MYO18B: variants seen among roughly 807,000 people sequenced by gnomAD.
MYO18B encodes myosin XVIIIB.
MYO18B carries 204 observed loss-of-function variants against 273.0 expected under a neutral mutation model. That is an observed-to-expected ratio of 0.75 (90% CI 0.67 to 0.84). The LOEUF (loss-of-function observed/expected upper bound fraction) is 0.84. MYO18B is among the 40% of genes least tolerant of loss of function. The pLI is 0.00. For missense variants in MYO18B, 3,212 were observed against 3,287.6 expected (o/e 0.98, Z 0.56); for synonymous variants, 1,330 against 1,305.7 (o/e 1.02, Z -0.40).
chr22:25,818,153 G>A (rs1480996831), intron 12 of MYO18B, among the ~76,000 whole-genome samples: 1 of 152,220 alleles, frequency 6.6e-6, no homozygotes, highest in Non-Finnish European at 1.5e-5. Context: ...TGGATAGAGT[G>A]TGTGATCCCC....
chr22:25,840,370 G>C (rs1299108809), intron 17 of MYO18B, among the ~76,000 whole-genome samples: 1 of 152,234 alleles, frequency 6.6e-6, no homozygotes, highest in African/African-American at 2.4e-5. Flanking sequence ...TTCCAGCCCA[G>C]TGCTGCTCAT....
intron 42 of MYO18B, among the ~76,000 whole-genome samples, chr22:26,023,497 A>C (rs73154184): frequency 6.6e-6 from 1 of 151,002 alleles, no homozygotes; most frequent in Non-Finnish European, 1.5e-5. Context: ...CTCCTCCTCT[A>C]CCTCCTCCCT....
At chr22:25,874,759 G>T (rs1406897841) in intron 23 of MYO18B, among the ~76,000 whole-genome samples, 1 of 152,196 alleles carries the variant, frequency 6.6e-6, no homozygotes, top group African/African-American at 2.4e-5. Context: ...CAAAGGCCAA[G>T]TCAAGCTTGA....
At chr22:26,042,160 A>G in the MYO18B span, among the ~76,000 whole-genome samples, 1 of 152,212 alleles carries the variant, frequency 6.6e-6, no homozygotes, top group African/African-American at 2.4e-5. Context: ...TCACTCCCCC[A>G]CCAGGTGTCA....
intron 15 of MYO18B, among the ~76,000 whole-genome samples, chr22:25,832,175 C>T (rs1290145985): frequency 1.3e-5 from 2 of 152,090 alleles, no homozygotes; most frequent in Non-Finnish European, 2.9e-5. Context: ...AATAGTGCAG[C>T]CGCTGTGGAA....
At chr22:25,869,034 A>T (rs756801549) in intron 22 of MYO18B, among the ~76,000 whole-genome samples, 16 of 152,272 alleles carry the variant, frequency 1.1e-4, no homozygotes, top group Admixed American at 5.2e-4. Flanking sequence ...GTTTGTGTGG[A>T]ATACCTAGTA....
intron 2 of MYO18B, 53 bp from the exon 3 acceptor site, chr22:25,763,178 G>T: frequency 1.2e-6 from 2 of 1,608,414 alleles, no homozygotes; most frequent in Non-Finnish European, 1.7e-6. Flanking sequence ...AGGGCAGCTT[G>T]CTCCTGCTGG....
At chr22:26,021,050 C>T (rs1935773741) in intron 42 of MYO18B, among the ~76,000 whole-genome samples, 1 of 152,222 alleles carries the variant, frequency 6.6e-6, no homozygotes, top group African/African-American at 2.4e-5. Context: ...GATCGTGCCA[C>T]TGCTCTCCAG....
intron 34 of MYO18B, among the ~76,000 whole-genome samples, chr22:25,932,988 T>C (rs527460846): frequency 6.6e-6 from 1 of 152,292 alleles, no homozygotes; most frequent in African/African-American, 2.4e-5. Flanking sequence ...CCCCCCAGTG[T>C]CCGTTATAGC....
intron 11 of MYO18B, among the ~76,000 whole-genome samples, chr22:25,797,659 G>C (rs2087979026): frequency 6.6e-6 from 1 of 152,028 alleles, no homozygotes; most frequent in Non-Finnish European, 1.5e-5. Context: ...GCTCATCTTT[G>C]CATCCCCAGA....
At chr22:26,041,032 G>T in the MYO18B span, among the ~76,000 whole-genome samples, 1 of 152,164 alleles carries the variant, frequency 6.6e-6, no homozygotes, top group African/African-American at 2.4e-5. Flanking sequence ...TTTGACCTAG[G>T]TCCTAGAGCA....
rs1018678998 is a variant in MYO18B at position 25,828,846 on chromosome 22, C to T, written c.2857C>T (p.Arg953Trp). 1.9e-5 allele frequency: 31 copies of T among 1,613,848 alleles called. No homozygotes were observed. The highest frequency in any genetic ancestry group is 1.6e-4 in the Middle Eastern group (1 of 6,084). The change falls in exon 15 of 44, where the codon CGG becomes TGG. Residue 953 changes from arginine (R) to tryptophan (W), a missense_variant. Arg to Trp is a moderately radical substitution (Grantham distance 101, BLOSUM62 -3). Coordinates refer to ENST00000335473, the MANE Select transcript of MYO18B (RefSeq NM_032608.7). ...GGACTCTCCAGGCTTCCAGAACCCCCGGCACCAGGGCAAGGACCGGGCGGC... is the reference window on the plus strand; with the variant it reads ...GGACTCTCCAGGCTTCCAGAACCCCTGGCACCAGGGCAAGGACCGGGCGGC... ...VVDSPGFQNP[R>W]HQGKDRAATF...
At chr22:26,056,948 C>T in the MYO18B span, among the ~76,000 whole-genome samples, 8 of 152,176 alleles carry the variant, frequency 5.3e-5, no homozygotes, top group Admixed American at 2.6e-4. Context: ...GTGAACTGTA[C>T]ACTGAGTCAC....
At chr22:25,942,171 A>G (rs2146559966) in intron 34 of MYO18B, among the ~76,000 whole-genome samples, 1 of 152,364 alleles carries the variant, frequency 6.6e-6, no homozygotes, top group Middle Eastern at 3.4e-3. Context: ...TGCTGCTGGC[A>G]GAAGCAGACT....
intron 2 of MYO18B, 167 bp from the exon 3 acceptor site, chr22:25,763,064 C>G (rs1555884000): frequency 3.7e-6 from 3 of 805,836 alleles, no homozygotes; most frequent in Admixed American, 1.7e-5. Context: ...CAGGGACCCC[C>G]CTGAGTCGTG....
rs754915027 is a variant in MYO18B, at chr22:25,883,302, T to G, written c.4314+5254T>G. On this transcript the variant is annotated intron_variant, in intron 25 of 43. Coordinates refer to ENST00000335473, the MANE Select transcript of MYO18B (RefSeq NM_032608.7). This position sits in a 1 kb window ranked among gnomAD's most constrained non-coding sequence, Gnocchi z 7.6. ...AAGAGGAGGTTCTTGGTATGGGGGG[T>G]AGGGAGCCCTCCAGCCCCTAGGCAA... 2.0e-5 allele frequency: 3 copies of G among 151,960 alleles called. No individual in the cohort carries two copies. The highest frequency in any genetic ancestry group is 2.9e-5 in the Non-Finnish European group (2 of 68,000). The allele number at this position is 151,960 out of a possible 1,614,324, so 9.4% of individuals were successfully genotyped here. A position where few individuals can be genotyped will look rare whatever the true frequency, so the allele number is the denominator to read the frequency against.
At chr22:25,981,571 C>T (rs930168260) in intron 39 of MYO18B, among the ~76,000 whole-genome samples, 24 of 152,256 alleles carry the variant, frequency 1.6e-4, no homozygotes, top group South Asian at 4.1e-4. Context: ...AAGACCCCAT[C>T]TCTACAAAAA....
chr22:25,890,389 A>AT (rs1285441902), intron 25 of MYO18B, among the ~76,000 whole-genome samples: 23 of 152,244 alleles, frequency 1.5e-4, no homozygotes, highest in Admixed American at 2.0e-4. Flanking sequence ...TTACGAAGAG[A>AT]TTCCACTAAA....
chr22:25,948,515 T>C (rs1270645460), intron 36 of MYO18B, among the ~76,000 whole-genome samples: 2 of 14,510 alleles, frequency 1.4e-4, no homozygotes, highest in Non-Finnish European at 4.6e-4. Flanking sequence ...CTTTTCTCTT[T>C]CCTTCTTTCT....
Sources: allele counts gnomAD v4.1 joint callset (sites outside exome capture counted in the v4.1 genomes callset), GRCh38; gene constraint gnomAD v4.1.1; non-coding constraint Gnocchi (gnomAD v3.1); transcripts MANE v1.5; gene names NCBI Gene and HGNC (gene_info 2026-07-23, HGNC 2026-07-21).